LIPA: variants seen among roughly 807,000 people sequenced by gnomAD.
The protein encoded by LIPA is lysosomal acid lipase/cholesteryl ester hydrolase.
In LIPA, 26 loss-of-function variants were observed where a neutral mutation model predicts 40.6. The observed-to-expected ratio is 0.64, with a 90% CI of 0.47 to 0.89. The LOEUF (loss-of-function observed/expected upper bound fraction) is 0.89. LIPA is among the 40% of genes least tolerant of loss of function. LIPA has a pLI of 0.00. For missense variants in LIPA, 455 were observed against 479.6 expected, an observed-to-expected ratio of 0.95 and a Z score of 0.48; for synonymous variants, 188 against 168.4, an observed-to-expected ratio of 1.12 and a Z score of -0.90.
chr10:89,286,496 A>T (rs957456046), intron 1 of LIPA, among the ~76,000 whole-genome samples: 3 of 152,196 alleles, frequency 2.0e-5, no homozygotes, highest in Non-Finnish European at 2.9e-5. Flanking sequence ...CCTCTTAAAA[A>T]GGTGGCTGGA....
chr10:89,350,374 C>T (rs1843951309), intron 2 of LIPA, among the ~76,000 whole-genome samples: 1 of 143,308 alleles, frequency 7.0e-6, no homozygotes, highest in African/African-American at 2.5e-5. Context: ...GGCGCAATCT[C>T]GGCTCACTGC....
At position 89,381,220 on chromosome 10, in the gene LIPA, T is replaced by G. The variant is rs1340380763; in HGVS notation, c.61+31571A>C. Among the ~76,000 whole-genome samples, 5 of 152,182 alleles carry G rather than the reference T, an allele frequency of 3.3e-5. No individual in the cohort carries two copies. The South Asian group carries it at 8.3e-4, about 25-fold the overall frequency. On this transcript the variant is annotated intron_variant, in intron 2 of 8. Transcript: ENST00000371837. ...TAGAGTAATGGAAGTCTGTGTGGAT[T>G]ATTTTCCCTGGGTAGTGTCTGTTCT...
intron 7 of LIPA, among the ~76,000 whole-genome samples, chr10:89,223,200 T>C (rs953115872): frequency 2.0e-5 from 3 of 152,162 alleles, no homozygotes; most frequent in African/African-American, 4.8e-5. Flanking sequence ...GGGGGGTCCA[T>C]GTGCAGGTTT....
chr10:89,237,915 C>T (rs532285393), intron 3 of LIPA, among the ~76,000 whole-genome samples: 1 of 152,178 alleles, frequency 6.6e-6, no homozygotes, highest in Non-Finnish European at 1.5e-5. Context: ...CTTTAAGGCT[C>T]ATTACACACA....
chr10:89,332,687 T>C, intron 1 of LIPA: 2 of 1,530,272 alleles, frequency 1.3e-6, no homozygotes, highest in Non-Finnish European at 1.8e-6. Flanking sequence ...CTTCCTGACT[T>C]ATGCTATTTC....
intron 1 of LIPA, chr10:89,284,611 A>G (rs910666459): frequency 1.3e-4 from 20 of 152,218 alleles, no homozygotes; most frequent in Admixed American, 8.5e-4. Flanking sequence ...GAAACTTTGG[A>G]AAAATGCCAG....
At chr10:89,414,415 G>A (rs1841507713) in exon 1 of LIPA, 2 of 222,042 alleles carry the variant, frequency 9.0e-6, no homozygotes, top group South Asian at 2.9e-4. Flanking sequence ...ACTCAGGGAG[G>A]CAGATAAAAG....
intron 2 of LIPA, among the ~76,000 whole-genome samples, chr10:89,398,383 C>T (rs554198998): frequency 2.3e-4 from 35 of 152,258 alleles, no homozygotes; most frequent in Non-Finnish European, 2.9e-5. Flanking sequence ...TCCAGGTTTT[C>T]GGCATTGTGC....
rs572057844 is a variant in LIPA at position 89,357,036 on chromosome 10, T to C, written c.61+55755A>G. 8.6e-4 allele frequency among the ~76,000 whole-genome samples: 131 copies of C among 152,252 alleles called. 1 individual carries two copies. The highest frequency in any genetic ancestry group is 3.1e-3 in the African/African-American group (128 of 41,558). ...TGGTCTTTTTGGCAACCAGCCCACA[T>C]AATGAACTATCTAGGGGCCCCCAGT... is the stretch of plus-strand genomic sequence containing the variant. On this transcript the variant is annotated intron_variant, in intron 2 of 8. Coordinates refer to the LIPA transcript ENST00000371837.
chr10:89,353,889 C>T (rs1240922162), intron 2 of LIPA, among the ~76,000 whole-genome samples: 5 of 151,700 alleles, frequency 3.3e-5, no homozygotes, highest in African/African-American at 4.8e-5. Flanking sequence ...TGCAGTGAGC[C>T]GAGATCACGC....
chr10:89,225,109 G>C lies in LIPA; in HGVS notation c.658C>G (p.Pro220Ala). Reference sequence around the variant, plus strand: ...CCAAGTACCTTAATGAGATGATCTGGTAATCGTCCTAATTTGGCCATAGGG... The same window carrying C: ...CCAAGTACCTTAATGAGATGATCTGCTAATCGTCCTAATTTGGCCATAGGG... ...TSPMAKLGRL[P>A]DHLIKDLFGD... is the part of the protein sequence containing the mutation. The change falls in exon 6 of 10, where the codon CCA becomes GCA. Residue 220 changes from proline (P) to alanine (A), a missense_variant. Pro to Ala is a conservative substitution (Grantham distance 27). Transcript: ENST00000336233. The C allele has an allele frequency of 1.2e-6, 2 of 1,614,110 alleles. No individual in the cohort carries two copies. The highest frequency in any genetic ancestry group is 1.7e-6 in the Non-Finnish European group (2 of 1,180,020).
intron 1 of LIPA, chr10:89,339,018 AC>A (rs1289297984): frequency 1.2e-6 from 2 of 1,614,192 alleles, no homozygotes; most frequent in Admixed American, 3.3e-5. Context: ...ATAAGGTGAA[AC>A]AAACCTGCAA....
intron 2 of LIPA, among the ~76,000 whole-genome samples, chr10:89,352,101 C>T (rs547630831): frequency 6.6e-6 from 1 of 152,256 alleles, no homozygotes; most frequent in South Asian, 2.1e-4. Flanking sequence ...AAGCAGAAAC[C>T]AGCTCTGGAA....
intron 2 of LIPA, among the ~76,000 whole-genome samples, chr10:89,406,643 G>T (rs1448616092): frequency 6.6e-6 from 1 of 152,016 alleles, no homozygotes; most frequent in Non-Finnish European, 1.5e-5. Flanking sequence ...GCAAAGGTCT[G>T]CAGCTTCACT....
intron 2 of LIPA, among the ~76,000 whole-genome samples, chr10:89,365,921 C>G (rs1844053465): frequency 6.6e-6 from 1 of 152,156 alleles, no homozygotes; most frequent in Non-Finnish European, 1.5e-5. Context: ...TTAGGATTGT[C>G]TTGGCAATGC....
intron 9 of LIPA, 149 bp downstream of exon 9, chr10:89,215,788 GT>G (rs1411140081): frequency 5.4e-6 from 4 of 743,538 alleles, no homozygotes; most frequent in Non-Finnish European, 9.9e-6. Context: ...AGCTTGGATT[GT>G]TCTGAATGGA....
At chr10:89,347,604 G>A (rs1843931257), upstream of LIPA, among the ~76,000 whole-genome samples, 1 of 152,100 alleles carries the variant, frequency 6.6e-6, no homozygotes, top group Non-Finnish European at 1.5e-5. Context: ...ATTATTTCTA[G>A]GATCTCTGTC....
intron 1 of LIPA, among the ~76,000 whole-genome samples, chr10:89,316,231 G>A (rs965485066): frequency 6.6e-6 from 1 of 152,178 alleles, no homozygotes; most frequent in Non-Finnish European, 1.5e-5. Flanking sequence ...CAGATAGTGG[G>A]TGCAGCCCAC....
chr10:89,334,786 C>T (rs995847469), intron 1 of LIPA, among the ~76,000 whole-genome samples: 5 of 152,142 alleles, frequency 3.3e-5, no homozygotes, highest in East Asian at 3.9e-4. Flanking sequence ...CCACCGCGCC[C>T]GGCCACCTAG....
Sources: allele counts gnomAD v4.1 joint callset (sites outside exome capture counted in the v4.1 genomes callset), GRCh38; gene constraint gnomAD v4.1.1; transcripts MANE v1.5; gene names NCBI Gene and HGNC (gene_info 2026-07-23, HGNC 2026-07-21).